GRM5: variants seen among roughly 807,000 people sequenced by gnomAD.
The protein encoded by GRM5 is metabotropic glutamate receptor 5.
In GRM5, 19 loss-of-function variants were observed where a neutral mutation model predicts 83.1. The observed-to-expected ratio is 0.23, with a 90% CI of 0.16 to 0.34. The LOEUF (loss-of-function observed/expected upper bound fraction) is 0.34, where lower values mean the gene tolerates loss of function less well. GRM5 is among the 10% of genes least tolerant of loss of function. The pLI is 1.00. For missense variants in GRM5, 1,160 were observed against 1,588.3 expected, an observed-to-expected ratio of 0.73 and a Z score of 4.58; for synonymous variants, 675 against 633.6, an observed-to-expected ratio of 1.07 and a Z score of -0.98.
intron 3 of GRM5, among the ~76,000 whole-genome samples, chr11:88,806,702 T>C (rs1441007561): frequency 6.6e-6 from 1 of 152,180 alleles, no homozygotes; most frequent in East Asian, 1.9e-4. Flanking sequence ...TCTCTGGTGC[T>C]TTTTATTCCC....
intron 1 of GRM5, among the ~76,000 whole-genome samples, chr11:89,062,679 A>G (rs2135175224): frequency 6.6e-6 from 1 of 152,362 alleles, no homozygotes; most frequent in South Asian, 2.1e-4. Flanking sequence ...TTTCCCTTCC[A>G]CACAGCAACT....
chr11:89,056,144 A>C (rs1374616292), intron 1 of GRM5, among the ~76,000 whole-genome samples: 3 of 152,160 alleles, frequency 2.0e-5, no homozygotes, highest in Admixed American at 6.6e-5. Context: ...CTTGCTTTTG[A>C]AAGTATCTTT....
chr11:88,647,221 T>C (rs1403337109), intron 4 of GRM5, among the ~76,000 whole-genome samples: 4 of 152,070 alleles, frequency 2.6e-5, no homozygotes, highest in African/African-American at 7.2e-5. Flanking sequence ...ACTTCATCCT[T>C]ATTAGTTATA....
intron 2 of GRM5, among the ~76,000 whole-genome samples, chr11:89,000,119 A>AG (rs1267279436): frequency 6.6e-6 from 1 of 152,134 alleles, no homozygotes; most frequent in African/African-American, 2.4e-5. Flanking sequence ...GGATAGCATT[A>AG]GGAGAGATAC....
At chr11:88,752,795 T>G (rs974677414) in intron 3 of GRM5, among the ~76,000 whole-genome samples, 41 of 152,060 alleles carry the variant, frequency 2.7e-4, no homozygotes, top group Admixed American at 2.3e-3. Context: ...AACTCAGAAA[T>G]AAGACTGCAC....
Position 88,839,283 on chromosome 11 carries a change from A to G in GRM5, c.911+10623T>C, listed in dbSNP as rs758572297. Among the ~76,000 whole-genome samples, 94 of 152,336 alleles carry G rather than the reference A, an allele frequency of 6.2e-4. 1 individual carries two copies. The highest frequency in any genetic ancestry group is 3.4e-3 in the Middle Eastern group (1 of 294). ...GCATTGTCTGAAGATCATAAAGCCC[A>G]AATTAAATGACAAGAGTAAAAATAT... On this transcript the variant is annotated intron_variant, in intron 3 of 9. Transcript: ENST00000305447.
At chr11:88,894,377 A>G (rs1327117328) in intron 2 of GRM5, among the ~76,000 whole-genome samples, 2 of 151,946 alleles carry the variant, frequency 1.3e-5, no homozygotes, top group East Asian at 1.9e-4. Flanking sequence ...TCTTCTGCCT[A>G]TTAAACCTCA....
At chr11:88,526,625 C>G (rs985342321) in intron 8 of GRM5, among the ~76,000 whole-genome samples, 9 of 152,154 alleles carry the variant, frequency 5.9e-5, no homozygotes, top group Non-Finnish European at 1.5e-5. Context: ...CAGTCACACT[C>G]TTTTTAGTTT....
chr11:88,770,194 A>C (rs1021665518), intron 3 of GRM5, among the ~76,000 whole-genome samples: 1 of 152,044 alleles, frequency 6.6e-6, no homozygotes, highest in African/African-American at 2.4e-5. Flanking sequence ...AGGTATGAAA[A>C]ACTGTTACAG....
At chr11:88,873,969 T>G (rs2135564774) in intron 2 of GRM5, among the ~76,000 whole-genome samples, 1 of 151,688 alleles carries the variant, frequency 6.6e-6, no homozygotes, top group Admixed American at 6.6e-5. Context: ...TTAGAAAACC[T>G]AGAATAAATG....
chr11:88,776,968 G>A (rs1471981648), intron 3 of GRM5, among the ~76,000 whole-genome samples: 1 of 152,136 alleles, frequency 6.6e-6, no homozygotes, highest in African/African-American at 2.4e-5. Flanking sequence ...TGTATTTCTT[G>A]AATTTGAATG....
At chr11:88,526,235 A>G (rs762028470) in intron 8 of GRM5, among the ~76,000 whole-genome samples, 38 of 152,198 alleles carry the variant, frequency 2.5e-4, no homozygotes, top group Admixed American at 8.5e-4. Context: ...AAGTGATGAG[A>G]TTCCCAATAT....
intron 3 of GRM5, among the ~76,000 whole-genome samples, chr11:88,685,269 C>T (rs985276651): frequency 6.6e-6 from 1 of 152,174 alleles, no homozygotes; most frequent in Non-Finnish European, 1.5e-5. Context: ...CAGCATTTTG[C>T]TCCTGCCCTA....
intron 2 of GRM5, among the ~76,000 whole-genome samples, chr11:88,902,370 T>A (rs1945326973): frequency 6.6e-6 from 1 of 152,106 alleles, no homozygotes; most frequent in African/African-American, 2.4e-5. Context: ...AACAACTTAC[T>A]TCAAAAGGCT....
At chr11:88,750,747 A>G (rs887694402) in intron 3 of GRM5, among the ~76,000 whole-genome samples, 1 of 152,106 alleles carries the variant, frequency 6.6e-6, no homozygotes, top group Non-Finnish European at 1.5e-5. Flanking sequence ...CACAGCACAA[A>G]TTAGAACTCA....
Position 88,837,791 on chromosome 11 carries a change from A to G in GRM5, c.911+12115T>C, listed in dbSNP as rs571481739. On this transcript the variant is annotated intron_variant, in intron 3 of 9. Coordinates refer to ENST00000305447, the MANE Select transcript of GRM5 (RefSeq NM_001143831.3). ...AGCAAGCAGAGTTGCCTTTAAAGAC[A>G]TAAGTTACGTCGGCCGGGCGCGGTG... 2.6e-5 allele frequency among the ~76,000 whole-genome samples: 4 copies of G among 152,310 alleles called. No homozygotes were observed. In the East Asian group the frequency reaches 5.8e-4, roughly 22 times the overall value.
intron 2 of GRM5, among the ~76,000 whole-genome samples, chr11:88,920,539 AG>A (rs1370144137): frequency 6.6e-6 from 1 of 152,134 alleles, no homozygotes; most frequent in Non-Finnish European, 1.5e-5. Context: ...ATAGAGGAGG[AG>A]GGAATATTTC....
At chr11:88,664,597 C>T (rs1187605795) in intron 3 of GRM5, among the ~76,000 whole-genome samples, 2 of 151,998 alleles carry the variant, frequency 1.3e-5, no homozygotes, top group East Asian at 1.9e-4. Context: ...CGGGTGTGCA[C>T]CACCATGCCC....
chr11:88,673,937 T>C (rs2135336164), intron 3 of GRM5, among the ~76,000 whole-genome samples: 1 of 151,750 alleles, frequency 6.6e-6, no homozygotes, highest in South Asian at 2.1e-4. Context: ...TACCAAGCAT[T>C]TCTGTTGTAG....
Sources: allele counts gnomAD v4.1 joint callset (sites outside exome capture counted in the v4.1 genomes callset), GRCh38; gene constraint gnomAD v4.1.1; transcripts MANE v1.5; gene names NCBI Gene and HGNC (gene_info 2026-07-23, HGNC 2026-07-21).